Variants in CCDC178 observed in about 807,000 individuals in gnomAD.
The protein encoded by CCDC178 is coiled-coil domain containing 178, also known as coiled-coil domain-containing protein 178.
In CCDC178, 126 loss-of-function variants were observed where a neutral mutation model predicts 117.4. The ratio of observed to expected loss-of-function variants is 1.07; its 90% CI spans 0.93 to 1.24. CCDC178 has a LOEUF of 1.24. Among genes scored for constraint, CCDC178 ranks in the 50% most tolerant of loss-of-function variants. CCDC178 has a pLI of 0.00. For synonymous variants in CCDC178, 283 were observed against 313.4 expected, an observed-to-expected ratio of 0.90 and a Z score of 1.02; for missense variants, 1,030 against 986.9, an observed-to-expected ratio of 1.04 and a Z score of -0.59.
At chr18:33,298,035 T>G (rs2062128347) in intron 11 of CCDC178, among the ~76,000 whole-genome samples, 1 of 45,922 alleles carries the variant, frequency 2.2e-5, no homozygotes, top group South Asian at 1.2e-3. Flanking sequence ...AGCGAGACTC[T>G]GTCTGAAAAA....
rs150710440 is a variant in CCDC178, at chr18:33,215,689, G to T, written c.1939C>A (p.Arg647Ser). Residue 647 changes from arginine to serine, a missense_variant, in exon 19 of 23, where the codon CGC becomes AGC. Arg to Ser is a moderately radical substitution (Grantham distance 110, BLOSUM62 -1). Coordinates refer to ENST00000383096, the MANE Select transcript of CCDC178 (RefSeq NM_001105528.4). ...TCTAGGTCTTTAAAAATTGCTGAGCGTTTACTCTGAAAAAAAATATACACA... is the reference window on the plus strand; with the variant it reads ...TCTAGGTCTTTAAAAATTGCTGAGCTTTTACTCTGAAAAAAAATATACACA... ...LDALIETESK[R>S]SAIFKDLEAT... 1 of 1,511,792 alleles carries T rather than the reference G, an allele frequency of 6.6e-7. No individual in the cohort carries two copies. Among genetic ancestry groups the T allele is most frequent in the Non-Finnish European group, 8.8e-7 (1 of 1,137,002 alleles). 93.6% of individuals were successfully genotyped at this position (1,511,792 alleles called of 1,614,324 possible).
intron 15 of CCDC178, among the ~76,000 whole-genome samples, chr18:33,231,128 C>T (rs1403684701): frequency 6.6e-6 from 1 of 152,072 alleles, no homozygotes; most frequent in Non-Finnish European, 1.5e-5. Context: ...TAACTTTAAC[C>T]AACTGATCAA....
intron 20 of CCDC178, among the ~76,000 whole-genome samples, chr18:33,163,827 AAG>A (rs1227298388): frequency 6.6e-6 from 1 of 152,192 alleles, no homozygotes; most frequent in African/African-American, 2.4e-5. Flanking sequence ...TACTATTTAA[AAG>A]AGTGTTACTG....
chr18:33,028,779 C>G (rs1044164682), intron 21 of CCDC178, among the ~76,000 whole-genome samples: 1 of 151,476 alleles, frequency 6.6e-6, no homozygotes, highest in African/African-American at 2.4e-5. Flanking sequence ...TATTAAGATG[C>G]TCCTATTTTT....
intron 10 of CCDC178, among the ~76,000 whole-genome samples, chr18:33,325,533 A>G (rs908460448): frequency 7.2e-5 from 11 of 152,110 alleles, no homozygotes; most frequent in Non-Finnish European, 1.2e-4. Flanking sequence ...CATTTAATTT[A>G]AAAATTTCCC....
intron 21 of CCDC178, among the ~76,000 whole-genome samples, chr18:33,045,644 A>G (rs2056628802): frequency 1.3e-5 from 2 of 152,224 alleles, no homozygotes; most frequent in Non-Finnish European, 2.9e-5. Flanking sequence ...CAATTGTATA[A>G]TAACTACATA....
At chr18:33,239,283 G>C (rs1221330789) in intron 15 of CCDC178, among the ~76,000 whole-genome samples, 1 of 151,828 alleles carries the variant, frequency 6.6e-6, no homozygotes, top group African/African-American at 2.4e-5. Flanking sequence ...AAAAGATGAA[G>C]TAAGAAACAT....
intron 12 of CCDC178, among the ~76,000 whole-genome samples, chr18:33,271,046 T>C (rs2059882522): frequency 6.6e-6 from 1 of 151,532 alleles, no homozygotes; most frequent in Non-Finnish European, 1.5e-5. Flanking sequence ...CAAAATAATT[T>C]TTTTTGTAAA....
chr18:33,113,450 A>T lies in CCDC178; in HGVS notation c.2239-20540T>A, dbSNP rs184161163. Among the ~76,000 whole-genome samples the T allele has an allele frequency of 5.4e-4, 82 of 152,134 alleles. 1 individual carries two copies. Among genetic ancestry groups the T allele is most frequent in the Non-Finnish European group, 1.0e-3 (69 of 67,952 alleles). The stretch of plus-strand genomic sequence containing the variant: ...AAATAAAAACTTTGGAATCAATAAA[A>T]TAATTTCTGAGGACACTTGATATCT... On this transcript the variant is annotated intron_variant, in intron 20 of 22. Coordinates refer to ENST00000383096, the MANE Select transcript of CCDC178 (RefSeq NM_001105528.4).
At chr18:33,279,438 C>T (rs894224743) in intron 12 of CCDC178, among the ~76,000 whole-genome samples, 14 of 152,190 alleles carry the variant, frequency 9.2e-5, no homozygotes, top group Non-Finnish European at 1.6e-4. Flanking sequence ...AACCACTGCT[C>T]AATGAAATAA....
chr18:33,021,976 T>C (rs956838985), intron 21 of CCDC178, among the ~76,000 whole-genome samples: 2 of 152,174 alleles, frequency 1.3e-5, no homozygotes, highest in African/African-American at 4.8e-5. Context: ...AAGCAATAGG[T>C]ATATAATTTC....
rs182809170 is a variant in CCDC178, at chr18:33,114,071, G to C, written c.2239-21161C>G. Among the ~76,000 whole-genome samples, 200 of 152,138 alleles carry C rather than the reference G, an allele frequency of 1.3e-3. 1 individual carries two copies. The highest frequency in any genetic ancestry group is 4.8e-3 in the African/African-American group (199 of 41,534). On this transcript the variant is annotated intron_variant, in intron 20 of 22. Coordinates refer to ENST00000383096, the MANE Select transcript of CCDC178 (RefSeq NM_001105528.4). ...GCCCATGGACTTTGGACTATCATAG[G>C]AGATTGACAAAAAAGAGAAATGAGT... is the stretch of plus-strand genomic sequence containing the variant.
At chr18:33,153,274 A>T (rs1351559930) in intron 20 of CCDC178, among the ~76,000 whole-genome samples, 3 of 151,466 alleles carry the variant, frequency 2.0e-5, no homozygotes, top group Non-Finnish European at 2.9e-5. Context: ...GCCTTTAGGG[A>T]GGGCCAAGGA....
chr18:33,194,480 A>T (rs1254525440), intron 20 of CCDC178, among the ~76,000 whole-genome samples: 1 of 152,126 alleles, frequency 6.6e-6, no homozygotes, highest in African/African-American at 2.4e-5. Flanking sequence ...CTTAACTTCA[A>T]TTAACTCCTG....
chr18:33,106,034 A>AT, intron 20 of CCDC178, among the ~76,000 whole-genome samples: 1 of 151,836 alleles, frequency 6.6e-6, no homozygotes, highest in Admixed American at 6.6e-5. Context: ...TATCCCAAAT[A>AT]TTTTTGAACA....
intron 14 of CCDC178, among the ~76,000 whole-genome samples, chr18:33,261,066 C>A (rs1467387466): frequency 7.3e-6 from 1 of 137,270 alleles, no homozygotes; most frequent in Non-Finnish European, 1.6e-5. Flanking sequence ...ATTTTAATAT[C>A]AGGGTTTTTT....
intron 20 of CCDC178, among the ~76,000 whole-genome samples, chr18:33,184,686 T>C (rs2058769762): frequency 6.6e-6 from 1 of 152,068 alleles, no homozygotes; most frequent in Admixed American, 6.6e-5. Context: ...CAGGATTTTG[T>C]TTAATGAATC....
At chr18:33,096,187 C>T (rs1052702784) in intron 20 of CCDC178, among the ~76,000 whole-genome samples, 1 of 150,240 alleles carries the variant, frequency 6.7e-6, no homozygotes, top group African/African-American at 2.5e-5. Context: ...ATTTTCTCCA[C>T]TTTCAGTTTA....
chr18:33,145,892 T>C (rs1043642459), intron 20 of CCDC178, among the ~76,000 whole-genome samples: 2 of 152,196 alleles, frequency 1.3e-5, no homozygotes, highest in Non-Finnish European at 2.9e-5. Context: ...TCAAAAGATA[T>C]AGTCTTACAT....
Sources: gnomAD v4.1 joint callset for allele counts (sites outside exome capture counted in the v4.1 genomes callset) on GRCh38, gnomAD v4.1.1 for gene constraint, MANE v1.5 for transcripts, NCBI Gene and HGNC (gene_info 2026-07-23, HGNC 2026-07-21) for gene names.